Variants in CCDC148 observed in about 807,000 individuals in gnomAD.
CCDC148 encodes coiled-coil domain containing 148.
CCDC148 carries 89 observed loss-of-function variants against 85.7 expected under a neutral mutation model. That is an observed-to-expected ratio of 1.04 (90% CI 0.87 to 1.24). The LOEUF (loss-of-function observed/expected upper bound fraction) is 1.24, where lower values mean the gene tolerates loss of function less well. CCDC148 is among the 50% of genes most tolerant of loss of function. The probability of loss-of-function intolerance (pLI) is 0.00; values close to 1 mark genes in which losing one functional copy is unlikely to be tolerated. For synonymous variants in CCDC148, 230 were observed against 213.9 expected, an observed-to-expected ratio of 1.08 and a Z score of -0.66; for missense variants, 692 against 671.7, an observed-to-expected ratio of 1.03 and a Z score of -0.33.
intron 1 of CCDC148, among the ~76,000 whole-genome samples, chr2:158,448,913 C>T (rs773712863): frequency 1.3e-4 from 20 of 152,188 alleles, no homozygotes; most frequent in East Asian, 9.7e-4. Context: ...CTGCAACCTC[C>T]GCCTCCCAAG....
chr2:158,219,717 G>A (rs1173728211), intron 11 of CCDC148, among the ~76,000 whole-genome samples: 2 of 152,166 alleles, frequency 1.3e-5, no homozygotes, highest in Non-Finnish European at 2.9e-5. Flanking sequence ...GGTATTCCCT[G>A]TTTGCCTAGT....
At position 158,456,406 on chromosome 2, in the gene CCDC148, C is replaced by A; in HGVS notation, c.25+9G>T. 6.2e-7 allele frequency: 1 copy of A among 1,611,478 alleles called. No individual in the cohort carries two copies. Among genetic ancestry groups the A allele is most frequent in the South Asian group, 1.1e-5 (1 of 90,240 alleles). Reference sequence around the variant, plus strand: ...AAGCAGCGATGGAAGGGATGGGGTGCAAACTCACCTGGAGAAGCAGAAGCT... The same window carrying A: ...AAGCAGCGATGGAAGGGATGGGGTGAAAACTCACCTGGAGAAGCAGAAGCT... On this transcript the variant is annotated intron_variant, in intron 1 of 13. Transcript: ENST00000283233.
chr2:158,338,082 A>G (rs965587622), intron 7 of CCDC148, among the ~76,000 whole-genome samples: 2 of 152,120 alleles, frequency 1.3e-5, no homozygotes, highest in African/African-American at 2.4e-5. Flanking sequence ...CATATACACT[A>G]TAAGGTAGAC....
intron 1 of CCDC148, among the ~76,000 whole-genome samples, chr2:158,448,435 C>A (rs1171736712): frequency 6.6e-6 from 1 of 151,888 alleles, no homozygotes; most frequent in African/African-American, 2.4e-5. Flanking sequence ...GCAGCCTTGA[C>A]TTCCTGGGCT....
chr2:158,373,208 A>C (rs1017954930), intron 1 of CCDC148, among the ~76,000 whole-genome samples: 3 of 152,044 alleles, frequency 2.0e-5, no homozygotes, highest in Admixed American at 2.0e-4. Context: ...AAGAAGCATG[A>C]AACCATGACC....
chr2:158,435,245 C>A (rs1009563440), intron 1 of CCDC148, among the ~76,000 whole-genome samples: 7 of 152,170 alleles, frequency 4.6e-5, no homozygotes, highest in Non-Finnish European at 4.4e-5. Flanking sequence ...GGGTTACCCA[C>A]AAAGGGAAGC....
chr2:158,397,030 A>G (rs1685551421), intron 1 of CCDC148, among the ~76,000 whole-genome samples: 1 of 152,038 alleles, frequency 6.6e-6, no homozygotes, highest in African/African-American at 2.4e-5. Flanking sequence ...TGACCTTGAG[A>G]ACAGGGATGT....
chr2:158,365,963 G>T, intron 1 of CCDC148: 1 of 1,249,426 alleles, frequency 8.0e-7, no homozygotes, highest in Non-Finnish European at 1.1e-6. Context: ...CATTTCAAAA[G>T]TACATAATCC....
intron 7 of CCDC148, among the ~76,000 whole-genome samples, chr2:158,335,327 G>A (rs1682321444): frequency 6.6e-6 from 1 of 152,178 alleles, no homozygotes; most frequent in African/African-American, 2.4e-5. Context: ...ATTCTTCAAA[G>A]TTCATAGTGA....
In CCDC148 at chr2:158,301,777, C is replaced by G. The variant is rs529490152; in HGVS notation, c.1110+7656G>C. 1.6e-3 allele frequency among the ~76,000 whole-genome samples: 246 copies of G among 152,188 alleles called. 1 individual carries two copies. The highest frequency in any genetic ancestry group is 5.7e-3 in the African/African-American group (236 of 41,528). Reference sequence around the variant, plus strand: ...GTGAAGGGGAGAGGTCCAGGAGGATCAGGATGGAAGAGCCTTGCTGGATTA... The same window carrying G: ...GTGAAGGGGAGAGGTCCAGGAGGATGAGGATGGAAGAGCCTTGCTGGATTA... On this transcript the variant is annotated intron_variant, in intron 9 of 13. Coordinates refer to ENST00000283233, the MANE Select transcript of CCDC148 (RefSeq NM_138803.4).
chr2:158,389,580 T>C (rs1685222919), intron 1 of CCDC148, among the ~76,000 whole-genome samples: 1 of 152,206 alleles, frequency 6.6e-6, no homozygotes, highest in Non-Finnish European at 1.5e-5. Context: ...TTCATCTTTC[T>C]TCATTTTAAA....
chr2:158,231,029 G>T (rs1687831181), intron 10 of CCDC148, among the ~76,000 whole-genome samples: 1 of 152,154 alleles, frequency 6.6e-6, no homozygotes, highest in Non-Finnish European at 1.5e-5. Context: ...CATAACACTT[G>T]ACAAGCCCAT....
intron 9 of CCDC148, among the ~76,000 whole-genome samples, chr2:158,290,158 G>A (rs112832873): frequency 3.3e-5 from 5 of 152,308 alleles, no homozygotes; most frequent in African/African-American, 1.2e-4. Context: ...CACAGGAGAG[G>A]GAGCTGAAGG....
At chr2:158,306,293 C>T (rs1691681754) in intron 9 of CCDC148, among the ~76,000 whole-genome samples, 1 of 151,988 alleles carries the variant, frequency 6.6e-6, no homozygotes, top group Non-Finnish European at 1.5e-5. Flanking sequence ...GAGGCTGAGG[C>T]AGGTGGATCA....
In CCDC148 at chr2:158,245,834, T is replaced by C. The variant is rs1688548118; in HGVS notation, c.1251+4938A>G. Among the ~76,000 whole-genome samples, 2 of 152,196 alleles carry C rather than the reference T, an allele frequency of 1.3e-5. 1 individual carries two copies. The highest frequency in any genetic ancestry group is 4.1e-4 in the South Asian group (2 of 4,828). ...GAGGTGTTATCTTTTGATTTTATCATGACAACAATTTCAGAAATAGAGAGA... is the reference window on the plus strand; with the variant it reads ...GAGGTGTTATCTTTTGATTTTATCACGACAACAATTTCAGAAATAGAGAGA... On this transcript the variant is annotated intron_variant, in intron 10 of 13. Coordinates refer to ENST00000283233, the MANE Select transcript of CCDC148 (RefSeq NM_138803.4).
chr2:158,411,027 T>C (rs1488668560), intron 1 of CCDC148, among the ~76,000 whole-genome samples: 2 of 152,210 alleles, frequency 1.3e-5, no homozygotes, highest in Non-Finnish European at 2.9e-5. Context: ...CATCGCACTT[T>C]TCTCTGAGCT....
intron 10 of CCDC148, 125 bp from the exon 11 acceptor site, chr2:158,220,838 G>T: frequency 1.5e-6 from 1 of 685,102 alleles, no homozygotes; most frequent in Non-Finnish European, 2.4e-6. Flanking sequence ...CATCTTTTTT[G>T]TTTCATAGAT....
intron 1 of CCDC148, among the ~76,000 whole-genome samples, chr2:158,360,307 A>C (rs1683876774): frequency 6.6e-6 from 1 of 152,128 alleles, no homozygotes; most frequent in Admixed American, 6.5e-5. Flanking sequence ...TCCAAGCATA[A>C]TGTTCGAGCT....
At chr2:158,242,154 C>T (rs1163533890) in intron 10 of CCDC148, among the ~76,000 whole-genome samples, 2 of 152,176 alleles carry the variant, frequency 1.3e-5, no homozygotes, top group Non-Finnish European at 2.9e-5. Flanking sequence ...CATTCTGTTA[C>T]TTGGTAAAGA....
Sources: gnomAD v4.1 joint callset for allele counts (sites outside exome capture counted in the v4.1 genomes callset) on GRCh38, gnomAD v4.1.1 for gene constraint, MANE v1.5 for transcripts, NCBI Gene and HGNC (gene_info 2026-07-23, HGNC 2026-07-21) for gene names.